Variants in PCGF5 observed in about 807,000 individuals in gnomAD.
The protein encoded by PCGF5 is polycomb group ring finger 5, also known as polycomb group RING finger protein 5.
In PCGF5, 9 loss-of-function variants were observed where a neutral mutation model predicts 44.3. The observed-to-expected ratio is 0.20, with a 90% CI of 0.12 to 0.35. The LOEUF is 0.35. Among genes scored for constraint, PCGF5 ranks in the 10% least tolerant of loss-of-function variants. The pLI is 1.00. For synonymous variants in PCGF5, 95 were observed against 102.5 expected, an observed-to-expected ratio of 0.93 and a Z score of 0.44; for missense variants, 146 against 305.3, an observed-to-expected ratio of 0.48 and a Z score of 3.89.
At chr10:91,189,188 T>G (rs1306754774) in intron 1 of PCGF5, among the ~76,000 whole-genome samples, 1 of 152,244 alleles carries the variant, frequency 6.6e-6, no homozygotes, top group Non-Finnish European at 1.5e-5. Flanking sequence ...CTTCTTTGCC[T>G]GGCAAAATCT....
chr10:91,244,159 TGTGAG>T (rs1029877839), intron 3 of PCGF5, among the ~76,000 whole-genome samples: 1 of 152,126 alleles, frequency 6.6e-6, no homozygotes, highest in Non-Finnish European at 1.5e-5. Context: ...AGGAAAGTGT[TGTGAG>T]GTGAGGAGGT....
chr10:91,214,380 C>T (rs774563333), intron 1 of PCGF5, among the ~76,000 whole-genome samples: 27 of 150,796 alleles, frequency 1.8e-4, no homozygotes, highest in African/African-American at 5.9e-4. Context: ...AGAGAGAAGA[C>T]GGCCATGGGA....
intron 1 of PCGF5, among the ~76,000 whole-genome samples, chr10:91,196,373 C>T (rs932930763): frequency 7.9e-5 from 12 of 152,184 alleles, no homozygotes; most frequent in Admixed American, 7.9e-4. Context: ...ACTTTCTAAG[C>T]AAGAAACCTG....
At chr10:91,276,470 G>T (rs1390094988) in intron 9 of PCGF5, among the ~76,000 whole-genome samples, 1 of 152,128 alleles carries the variant, frequency 6.6e-6, no homozygotes. Flanking sequence ...TGTTAGTGTG[G>T]TGCCATTTTA....
chr10:91,195,989 G>C (rs1844126261), intron 1 of PCGF5, among the ~76,000 whole-genome samples: 1 of 150,074 alleles, frequency 6.7e-6, no homozygotes, highest in South Asian at 2.2e-4. Flanking sequence ...CTTAAAATTG[G>C]CTACTAGATA....
intron 8 of PCGF5, among the ~76,000 whole-genome samples, chr10:91,268,249 CT>C: frequency 6.6e-6 from 1 of 152,212 alleles, no homozygotes; most frequent in African/African-American, 2.4e-5. Context: ...CAGTTGTCTA[CT>C]TTCTTTGGGA....
At chr10:91,230,309 T>C (rs1384305702) in intron 2 of PCGF5, among the ~76,000 whole-genome samples, 1 of 152,212 alleles carries the variant, frequency 6.6e-6, no homozygotes, top group Non-Finnish European at 1.5e-5. Flanking sequence ...TCATGATCAG[T>C]ATACAGGTAT....
At chr10:91,225,161 G>A (rs1386890936) in intron 2 of PCGF5, among the ~76,000 whole-genome samples, 1 of 148,830 alleles carries the variant, frequency 6.7e-6, no homozygotes, top group African/African-American at 2.5e-5. Context: ...GATTATAGAA[G>A]TATAAACAAT....
intron 7 of PCGF5, among the ~76,000 whole-genome samples, chr10:91,263,952 T>C (rs1250585003): frequency 6.6e-6 from 1 of 152,176 alleles, no homozygotes; most frequent in Non-Finnish European, 1.5e-5. Flanking sequence ...CATTCATTAA[T>C]TTCCCTCTTC....
intron 2 of PCGF5, among the ~76,000 whole-genome samples, chr10:91,233,151 A>G (rs558485279): frequency 6.6e-6 from 1 of 152,302 alleles, no homozygotes; most frequent in South Asian, 2.1e-4. Flanking sequence ...TTGATTGATC[A>G]TGGAATTTAT....
chr10:91,221,884 T>G (rs1242030979), intron 1 of PCGF5, among the ~76,000 whole-genome samples: 2 of 152,136 alleles, frequency 1.3e-5, no homozygotes. Flanking sequence ...AGGAAAGAAG[T>G]AAGCATTAAA....
intron 1 of PCGF5, among the ~76,000 whole-genome samples, chr10:91,210,438 G>A (rs1236563262): frequency 3.9e-5 from 6 of 152,174 alleles, no homozygotes. Flanking sequence ...TACACAAGGT[G>A]GTACCTTTTA....
chr10:91,259,571 T>A (rs967707702), intron 6 of PCGF5, among the ~76,000 whole-genome samples: 1 of 152,088 alleles, frequency 6.6e-6, no homozygotes, highest in Non-Finnish European at 1.5e-5. Flanking sequence ...TTCAAAGTAT[T>A]CTACAAGGCT....
At chr10:91,199,767 A>G (rs1161223259) in intron 1 of PCGF5, among the ~76,000 whole-genome samples, 2 of 150,854 alleles carry the variant, frequency 1.3e-5, no homozygotes, top group African/African-American at 4.8e-5. Flanking sequence ...CTCTTGTTTG[A>G]CAGATAGGGA....
At chr10:91,198,769 A>G (rs980791275) in intron 1 of PCGF5, among the ~76,000 whole-genome samples, 3 of 152,220 alleles carry the variant, frequency 2.0e-5, no homozygotes, top group African/African-American at 7.2e-5. Flanking sequence ...TTGTCATACC[A>G]CGGGGCAGTA....
At position 91,192,949 on chromosome 10, in the gene PCGF5, A is replaced by G. The variant is rs149498759; in HGVS notation, c.-183-29740A>G. On this transcript the variant is annotated intron_variant, in intron 1 of 9. Coordinates refer to the PCGF5 transcript ENST00000614189. ...TCCAGACCTAATTATGGTTACAAAT[A>G]TTAAAATATAGAGGTTAACCTGGAT... 2.8e-3 allele frequency among the ~76,000 whole-genome samples: 433 copies of G among 152,338 alleles called. 1 individual carries two copies. The highest frequency in any genetic ancestry group is 0.01 in the African/African-American group (422 of 41,572).
chr10:91,214,717 G>A (rs189529431), intron 1 of PCGF5, among the ~76,000 whole-genome samples: 1 of 152,190 alleles, frequency 6.6e-6, no homozygotes, highest in Non-Finnish European at 1.5e-5. Flanking sequence ...CTAAAGAACT[G>A]CAGATAAAAT....
At chr10:91,248,461 T>C in intron 3 of PCGF5, 44 bp from the exon 4 acceptor site, 1 of 1,494,794 alleles carries the variant, frequency 6.7e-7, no homozygotes, top group Non-Finnish European at 9.3e-7. Context: ...TGTCAGATCT[T>C]GGTGTCTTCA....
At chr10:91,190,643 C>G (rs1025697325) in intron 1 of PCGF5, among the ~76,000 whole-genome samples, 1 of 152,174 alleles carries the variant, frequency 6.6e-6, no homozygotes, top group Non-Finnish European at 1.5e-5. Flanking sequence ...CCCATTGAAT[C>G]ATTCTCTGGA....
Sources: gnomAD v4.1 joint callset for allele counts (sites outside exome capture counted in the v4.1 genomes callset) on GRCh38, gnomAD v4.1.1 for gene constraint, MANE v1.5 for transcripts, NCBI Gene and HGNC (gene_info 2026-07-23, HGNC 2026-07-21) for gene names.